The following ACSM3 variants were observed in gnomAD, a reference collection of about 807,000 sequenced individuals.
The protein encoded by ACSM3 is acyl-coenzyme A synthetase ACSM3, mitochondrial.
Under a neutral mutation model 74.1 loss-of-function variants are expected in ACSM3, and 61 were observed. That is an observed-to-expected ratio of 0.82 (90% CI 0.67 to 1.02). The LOEUF (loss-of-function observed/expected upper bound fraction) is 1.02, where lower values mean the gene tolerates loss of function less well. Among genes scored for constraint, ACSM3 ranks in the 50% least tolerant of loss-of-function variants. The pLI, the probability that ACSM3 is intolerant of heterozygous loss-of-function variation, is 0.00. For missense variants in ACSM3, 660 were observed against 697.0 expected (o/e 0.95, Z 0.60); for synonymous variants, 213 against 241.5 (o/e 0.88, Z 1.09).
intron 1 of ACSM3, chr16:20,729,239 G>C: frequency 1.0e-6 from 1 of 979,890 alleles, no homozygotes; most frequent in Non-Finnish European, 1.6e-6. Flanking sequence ...GGACAGTCCA[G>C]AGAAAACTGC....
chr16:20,782,544 C>T (rs1048322411), intron 7 of ACSM3, among the ~76,000 whole-genome samples: 2 of 152,226 alleles, frequency 1.3e-5, no homozygotes, highest in Non-Finnish European at 2.9e-5. Flanking sequence ...TTTTCCCCCA[C>T]ATTGACCAAT....
chr16:20,796,520 T>C (rs1596546288), intron 13 of ACSM3, 31 bp downstream of exon 13: 1 of 1,608,742 alleles, frequency 6.2e-7, no homozygotes, highest in African/African-American at 1.3e-5. Flanking sequence ...GAATATTTGC[T>C]CAGTGTTGTG....
intron 1 of ACSM3, among the ~76,000 whole-genome samples, chr16:20,726,121 A>G (rs2152400521): frequency 6.6e-6 from 1 of 152,268 alleles, no homozygotes; most frequent in East Asian, 1.9e-4. Context: ...CTCCCCCTCA[A>G]AAAATTTATC....
chr16:20,691,450 T>C (rs1376690700), intron 1 of ACSM3, among the ~76,000 whole-genome samples: 1 of 152,172 alleles, frequency 6.6e-6, no homozygotes, highest in African/African-American at 2.4e-5. Context: ...GCTACTATTA[T>C]GGGTTTGGTG....
Position 20,745,324 on chromosome 16 carries a change from G to A in ACSM3, c.-189-4586G>A, listed in dbSNP as rs140439655. Among the ~76,000 whole-genome samples the A allele has an allele frequency of 6.6e-3, 1,010 of 152,150 alleles. 8 individuals are homozygous for A. The highest frequency in any genetic ancestry group is 0.024 in the Middle Eastern group (7 of 294). ...CTTGGGGCCAGGCACGGTGGCTCAC[G>A]CTTGTAATCCCAGCACTTTGGGAGG... is the stretch of plus-strand genomic sequence containing the variant. On this transcript the variant is annotated intron_variant, in intron 1 of 3. Transcript: ENST00000561584.
At chr16:20,768,613 A>T (rs1206774207) in intron 1 of ACSM3, among the ~76,000 whole-genome samples, 1 of 152,226 alleles carries the variant, frequency 6.6e-6, no homozygotes, top group African/African-American at 2.4e-5. Flanking sequence ...TTCTGATTTA[A>T]TTGATCCAAG....
At chr16:20,690,007 T>C (rs970280171) in intron 1 of ACSM3, among the ~76,000 whole-genome samples, 2 of 152,224 alleles carry the variant, frequency 1.3e-5, no homozygotes, top group Non-Finnish European at 2.9e-5. Flanking sequence ...AATTAGATGA[T>C]TAAATGCAAG....
intron 1 of ACSM3, chr16:20,729,187 G>T (rs549862700): frequency 7.1e-6 from 5 of 709,038 alleles, no homozygotes; most frequent in Non-Finnish European, 1.3e-5. Flanking sequence ...ACCCATTTCT[G>T]TTCTGACCAA....
intron 2 of ACSM3, among the ~76,000 whole-genome samples, chr16:20,753,996 G>A (rs1219199140): frequency 6.6e-6 from 1 of 152,196 alleles, no homozygotes; most frequent in Non-Finnish European, 1.5e-5. Flanking sequence ...CTGGAGTAAG[G>A]GAGAGGGAAT....
chr16:20,742,532 A>T (rs2079936157), intron 1 of ACSM3, among the ~76,000 whole-genome samples: 1 of 151,560 alleles, frequency 6.6e-6, no homozygotes, highest in Non-Finnish European at 1.5e-5. Context: ...AGTCCCAACT[A>T]CTCGGGAGGC....
At chr16:20,701,659 A>G (rs1414332979) in intron 1 of ACSM3, among the ~76,000 whole-genome samples, 3 of 152,146 alleles carry the variant, frequency 2.0e-5, no homozygotes, top group Non-Finnish European at 4.4e-5. Flanking sequence ...CCCCATGTGC[A>G]TTAAGTGTTT....
chr16:20,742,934 TTGTC>T (rs1424059810), intron 1 of ACSM3, among the ~76,000 whole-genome samples: 3 of 150,452 alleles, frequency 2.0e-5, no homozygotes, highest in Non-Finnish European at 4.4e-5. Context: ...TATTGTATGT[TTGTC>T]TATTTTTTTT....
At position 20,736,696 on chromosome 16, in the gene ACSM3, T is replaced by C. The variant is rs909956154; in HGVS notation, c.-189-13214T>C. The C allele has an allele frequency of 1.1e-4, 69 of 634,544 alleles. No homozygotes were observed. The African/African-American group carries it at 1.1e-3, about 10-fold the overall frequency. 39.3% of individuals were successfully genotyped at this position (634,544 alleles called of 1,614,324 possible). A position where few individuals can be genotyped will look rare whatever the true frequency, so the allele number is the denominator to read the frequency against. On this transcript the variant is annotated intron_variant, in intron 1 of 3. Transcript: ENST00000561584. Reference sequence around the variant, plus strand: ...ATGGGTCTGCCTCTACGTAATACCATAAAGGCTGAAAGATCCCTAAAAAAA... The same window carrying C: ...ATGGGTCTGCCTCTACGTAATACCACAAAGGCTGAAAGATCCCTAAAAAAA...
At chr16:20,677,551 G>T (rs2020364980) in intron 1 of ACSM3, among the ~76,000 whole-genome samples, 1 of 152,296 alleles carries the variant, frequency 6.6e-6, no homozygotes, top group South Asian at 2.1e-4. Context: ...CCCCTTCATT[G>T]CTGTGTAAAT....
intron 1 of ACSM3, among the ~76,000 whole-genome samples, chr16:20,698,235 C>T (rs2152351280): frequency 6.6e-6 from 1 of 151,908 alleles, no homozygotes; most frequent in African/African-American, 2.4e-5. Context: ...ACGAAGTCAC[C>T]TCCAATTCCG....
rs1332489230 is a variant in ACSM3 at position 20,769,993 on chromosome 16, T to C, written c.-42T>C. The C allele has an allele frequency of 1.9e-6, 3 of 1,592,308 alleles. No homozygotes were observed. The highest frequency in any genetic ancestry group is 1.1e-5 in the South Asian group (1 of 90,584). On this transcript the variant is annotated 5_prime_UTR_variant, in exon 2 of 14. Transcript: ENST00000289416. ...TTTGCTTGTCTTTTAGATGAACTGG[T>C]CTCTGTGCAAATCCTGAGTGCTAAA...
At chr16:20,786,192 A>C (rs1468166195) in intron 9 of ACSM3, 34 bp downstream of exon 9, 1 of 1,606,610 alleles carries the variant, frequency 6.2e-7, no homozygotes, top group Non-Finnish European at 8.5e-7. Context: ...AATGTTTAAC[A>C]ACCCAATCTG....
intron 3 of ACSM3, among the ~76,000 whole-genome samples, chr16:20,758,344 C>A (rs1287291194): frequency 6.6e-6 from 1 of 152,214 alleles, no homozygotes; most frequent in Non-Finnish European, 1.5e-5. Flanking sequence ...GATTCAACTT[C>A]TTCCTGGTTT....
intron 1 of ACSM3, among the ~76,000 whole-genome samples, chr16:20,702,215 ACTTTT>A (rs1720186883): frequency 6.6e-6 from 1 of 151,882 alleles, no homozygotes; most frequent in Non-Finnish European, 1.5e-5. Context: ...TTGTTTCCTG[ACTTTT>A]CTTTTTTTAT....
Sources: gnomAD v4.1 joint callset for allele counts (sites outside exome capture counted in the v4.1 genomes callset) on GRCh38, gnomAD v4.1.1 for gene constraint, MANE v1.5 for transcripts, NCBI Gene and HGNC (gene_info 2026-07-23, HGNC 2026-07-21) for gene names.